Variants in KRABD4 observed in about 807,000 individuals in gnomAD.
KRABD4 encodes the protein KRAB domain containing 4.
chrX:46,466,395 A>C, the KRABD4 span, among the ~76,000 whole-genome samples: 1 of 111,764 alleles, frequency 8.9e-6, no homozygotes, highest in East Asian at 2.8e-4. Flanking sequence ...TAGATTTATA[A>C]TAACTATAAA....
At chrX:46,473,449 G>C in the KRABD4 span, 1 of 1,092,239 alleles carries the variant, frequency 9.2e-7, no homozygotes, top group Non-Finnish European at 1.2e-6. Flanking sequence ...AAAGCCTTCA[G>C]TAGGAAGTCA....
the KRABD4 span, among the ~76,000 whole-genome samples, chrX:46,461,411 A>T: frequency 8.1e-5 from 9 of 111,484 alleles, no homozygotes; most frequent in South Asian, 3.8e-4. Context: ...AGATTGGGCT[A>T]ACAGCTCCTG....
chrX:46,458,291 T>C, the KRABD4 span, among the ~76,000 whole-genome samples: 2 of 112,348 alleles, frequency 1.8e-5, no homozygotes, highest in Non-Finnish European at 3.8e-5. Flanking sequence ...TACAGTCAAG[T>C]ATGTAGAAAA....
the KRABD4 span, among the ~76,000 whole-genome samples, chrX:46,448,979 T>C: frequency 9.0e-6 from 1 of 111,698 alleles, no homozygotes; most frequent in African/African-American, 3.3e-5. Context: ...TCTGCTGCCT[T>C]ATTTCAATGC....
the KRABD4 span, among the ~76,000 whole-genome samples, chrX:46,465,258 C>G: frequency 4.4e-5 from 5 of 113,088 alleles, no homozygotes; most frequent in South Asian, 1.4e-3. Context: ...ACATCTTGTT[C>G]TGACTTGTTC....
At chrX:46,474,031 C>G in the KRABD4 span, 1 of 112,583 alleles carries the variant, frequency 8.9e-6, no homozygotes, top group Non-Finnish European at 1.9e-5. Flanking sequence ...TCTCAGTTGT[C>G]AGATTGACTG....
At chrX:46,456,041 G>C in the KRABD4 span, 1 of 358,161 alleles carries the variant, frequency 2.8e-6, no homozygotes, top group Non-Finnish European at 5.4e-6. Context: ...TTCCTCTTCT[G>C]AAATCTACTC....
chrX:46,449,247 G>A, the KRABD4 span, among the ~76,000 whole-genome samples: 861 of 111,339 alleles, frequency 7.7e-3, 6 homozygotes, highest in African/African-American at 0.027. Context: ...GAGCAGGCAC[G>A]GTGGTTTTCA....
chrX:46,463,842 G>C, the KRABD4 span, among the ~76,000 whole-genome samples: 1 of 109,576 alleles, frequency 9.1e-6, no homozygotes, highest in East Asian at 2.9e-4. Context: ...AGCTTTGCCA[G>C]TGACCTTTAC....
the KRABD4 span, chrX:46,463,451 G>A: frequency 1.8e-6 from 1 of 557,956 alleles, no homozygotes; most frequent in Non-Finnish European, 3.1e-6. Context: ...TCCAAATGAG[G>A]CCTCTGCCTG....
At chrX:46,462,548 G>A in the KRABD4 span, 47 of 605,980 alleles carry the variant, frequency 7.8e-5, 1 homozygote, top group Admixed American at 1.6e-3. Context: ...GTGGGTGTGG[G>A]AACCAGACCG....
chrX:46,457,732 TTTTGTTTG>T, the KRABD4 span, among the ~76,000 whole-genome samples: 3 of 101,101 alleles, frequency 3.0e-5, no homozygotes, highest in African/African-American at 7.3e-5. Context: ...GGTTTTTGTT[TTTTGTTTG>T]TTTGTTTGTT....
the KRABD4 span, among the ~76,000 whole-genome samples, chrX:46,470,169 G>A: frequency 9.0e-6 from 1 of 111,061 alleles, no homozygotes; most frequent in Non-Finnish European, 1.9e-5. Context: ...CCATGCCCTT[G>A]TAGGAAATAA....
the KRABD4 span, chrX:46,462,703 C>T: frequency 8.3e-7 from 1 of 1,210,956 alleles, no homozygotes; most frequent in South Asian, 1.8e-5. Flanking sequence ...TGTCCCAGTG[C>T]CCCAGGCTGG....
At chrX:46,457,836 G>A in the KRABD4 span, among the ~76,000 whole-genome samples, 1 of 109,636 alleles carries the variant, frequency 9.1e-6, no homozygotes, top group African/African-American at 3.3e-5. Flanking sequence ...TCCACTTCTC[G>A]GGTTCAAGCG....
the KRABD4 span, chrX:46,462,803 A>G: frequency 9.1e-6 from 11 of 1,211,905 alleles, no homozygotes; most frequent in Non-Finnish European, 1.2e-5. Context: ...GAGTGGCAGC[A>G]ACTGGACTCT....
the KRABD4 span, among the ~76,000 whole-genome samples, chrX:46,471,867 T>C: frequency 4.4e-4 from 50 of 112,548 alleles, no homozygotes; most frequent in African/African-American, 1.5e-3. Flanking sequence ...ATTCACCTAT[T>C]GAAGGACATC....
the KRABD4 span, among the ~76,000 whole-genome samples, chrX:46,461,742 C>G: frequency 1.8e-5 from 2 of 111,871 alleles, no homozygotes; most frequent in Non-Finnish European, 3.8e-5. Flanking sequence ...GGCCACAAAC[C>G]TCTGGCTTCC....
chrX:46,472,808 T>C, the KRABD4 span: 5 of 1,211,850 alleles, frequency 4.1e-6, no homozygotes, highest in East Asian at 8.9e-5. Flanking sequence ...ACAAACTTCC[T>C]TGGCAAGCTG....
Sources: allele counts gnomAD v4.1 joint callset (sites outside exome capture counted in the v4.1 genomes callset), GRCh38; gene constraint gnomAD v4.1.1; transcripts MANE v1.5; gene names NCBI Gene and HGNC (gene_info 2026-07-23, HGNC 2026-07-21).